The following CHRM5 variants were observed in gnomAD, a reference collection of about 807,000 sequenced individuals.
CHRM5 encodes muscarinic acetylcholine receptor M5.
A neutral mutation model predicts 39.0 loss-of-function variants in CHRM5; 18 were observed. That is an observed-to-expected ratio of 0.46 (90% CI 0.32 to 0.68). The LOEUF is 0.68. Ranked by LOEUF, CHRM5 falls within the 30% of genes least tolerant of loss-of-function variation. The pLI is 0.04. For missense variants in CHRM5, 515 were observed against 651.1 expected (o/e 0.79, Z 2.28); for synonymous variants, 241 against 246.3 (o/e 0.98, Z 0.20).
chr15:33,984,788 G>C (rs8038713), intron 1 of CHRM5, among the ~76,000 whole-genome samples: 1 of 151,844 alleles, frequency 6.6e-6, no homozygotes, highest in African/African-American at 2.4e-5. Flanking sequence ...TGAGACAAAC[G>C]TTAGTAGCAA....
chr15:34,017,378 C>T (rs553829401), intron 1 of CHRM5, among the ~76,000 whole-genome samples: 73 of 151,912 alleles, frequency 4.8e-4, no homozygotes, highest in Non-Finnish European at 8.4e-4. Context: ...GAGAAAATAT[C>T]AATCACCTAA....
At position 34,038,781 on chromosome 15, in the gene CHRM5, G is replaced by A. The variant is rs1367441225; in HGVS notation, c.-407-7759G>A. On this transcript the variant is annotated intron_variant, in intron 1 of 2. Coordinates refer to ENST00000383263, the MANE Select transcript of CHRM5 (RefSeq NM_012125.4). ...GCCCCACCAGCCGTCGCCTCTTACCGGCGCGCTGGCCCCTGCGCCCCAGCC... is the reference window on the plus strand; with the variant it reads ...GCCCCACCAGCCGTCGCCTCTTACCAGCGCGCTGGCCCCTGCGCCCCAGCC... 1.5e-5 allele frequency: 18 copies of A among 1,176,118 alleles called. No homozygotes were observed. The highest frequency in any genetic ancestry group is 4.5e-5 in the Admixed American group (1 of 22,200). 72.9% of individuals were successfully genotyped at this position (1,176,118 alleles called of 1,614,324 possible).
intron 1 of CHRM5, among the ~76,000 whole-genome samples, chr15:34,031,567 T>C (rs891638104): frequency 3.9e-5 from 6 of 152,228 alleles, no homozygotes; most frequent in Admixed American, 1.3e-4. Context: ...GTATCAGTCC[T>C]TAATGGCAAG....
intron 1 of CHRM5, among the ~76,000 whole-genome samples, chr15:33,983,183 C>T (rs528915218): frequency 3.1e-5 from 3 of 96,884 alleles, no homozygotes; most frequent in Admixed American, 1.1e-4. Flanking sequence ...TATATACACA[C>T]GTGTGTGTAT....
chr15:34,049,944 G>A (rs1461375088), intron 2 of CHRM5, among the ~76,000 whole-genome samples: 1 of 149,426 alleles, frequency 6.7e-6, no homozygotes, highest in Non-Finnish European at 1.5e-5. Context: ...CTGGAGTGCA[G>A]TGGCACAATC....
intron 1 of CHRM5, among the ~76,000 whole-genome samples, chr15:33,979,370 A>G (rs1269040462): frequency 3.3e-5 from 5 of 152,128 alleles, no homozygotes; most frequent in East Asian, 1.9e-4. Flanking sequence ...TTAGCCGGGC[A>G]TGCTAGGGTG....
intron 1 of CHRM5, among the ~76,000 whole-genome samples, chr15:34,044,697 A>G (rs759307938): frequency 3.6e-4 from 54 of 151,904 alleles, no homozygotes; most frequent in Non-Finnish European, 7.2e-4. Context: ...GTATGCGTTA[A>G]ATGGGTCCAG....
At chr15:33,992,438 A>G (rs1388523703) in intron 1 of CHRM5, among the ~76,000 whole-genome samples, 1 of 152,176 alleles carries the variant, frequency 6.6e-6, no homozygotes, top group Non-Finnish European at 1.5e-5. Context: ...TTCAATATTC[A>G]GCTACAAGGA....
At chr15:33,981,057 AACAT>A (rs1896118422) in intron 1 of CHRM5, among the ~76,000 whole-genome samples, 1 of 148,482 alleles carries the variant, frequency 6.7e-6, no homozygotes. Context: ...TTTTTATATA[AACAT>A]ACAATCACAA....
chr15:34,019,911 T>C (rs1438735965), intron 1 of CHRM5, among the ~76,000 whole-genome samples: 1 of 152,192 alleles, frequency 6.6e-6, no homozygotes, highest in Non-Finnish European at 1.5e-5. Context: ...CTTAGAAAAA[T>C]AGAATTGCAA....
chr15:33,978,554 T>C (rs1266740347), intron 1 of CHRM5, among the ~76,000 whole-genome samples: 1 of 151,944 alleles, frequency 6.6e-6, no homozygotes, highest in Admixed American at 6.6e-5. Flanking sequence ...TGCCAGCTAC[T>C]TGGGAGGCTA....
At chr15:34,037,775 G>T (rs1200740046) in intron 1 of CHRM5, among the ~76,000 whole-genome samples, 5 of 151,784 alleles carry the variant, frequency 3.3e-5, no homozygotes, top group Non-Finnish European at 5.9e-5. Context: ...TTTTTTTCCA[G>T]CTCTGTATTG....
intron 1 of CHRM5, among the ~76,000 whole-genome samples, chr15:34,006,267 C>T (rs1441208168): frequency 7.3e-5 from 11 of 151,292 alleles, no homozygotes; most frequent in Non-Finnish European, 1.5e-4. Context: ...GTCAAGATCA[C>T]GCCATTGCAA....
rs1165544868 is a variant in CHRM5 at position 34,062,886 on chromosome 15, G to A, written c.169G>A (p.Val57Ile). 6.2e-7 allele frequency: 1 copy of A among 1,614,192 alleles called. No homozygotes were observed. ...TGTCTTGGTCATGATCTCCTTCAAA[G>A]TCAACAGCCAGCTCAAGACAGTTAA... is the stretch of plus-strand genomic sequence containing the variant. Reference protein sequence around the residue: ...GNVLVMISFKVNSQLKTVNNY... With the variant: ...GNVLVMISFKINSQLKTVNNY... The change falls in exon 3 of 3, where the codon GTC becomes ATC. Residue 57 changes from valine (V) to isoleucine (I), a missense_variant. Physicochemically the swap from Val to Ile is conservative, Grantham distance 29. Transcript: ENST00000383263.
chr15:34,059,720 T>TTGCCTAGCTA lies in CHRM5; in HGVS notation c.-75-2921_-75-2912dup, dbSNP rs547384338. Among the ~76,000 whole-genome samples the TTGCCTAGCTA allele has an allele frequency of 1.2e-3, 187 of 152,334 alleles. 1 individual carries two copies. The highest frequency in any genetic ancestry group is 6.8e-3 in the Middle Eastern group (2 of 294). On this transcript the variant is annotated intron_variant, in intron 2 of 2. Coordinates refer to ENST00000383263, the MANE Select transcript of CHRM5 (RefSeq NM_012125.4). ...AGCATCCCCAGCCTCCACCCACCTT[T>TTGCCTAGCTA]TGCCTAGCTATTGGTGACTTCATTC...
intron 1 of CHRM5, among the ~76,000 whole-genome samples, chr15:34,010,286 CA>C (rs1897581291): frequency 6.6e-6 from 1 of 152,222 alleles, no homozygotes; most frequent in East Asian, 1.9e-4. Context: ...TATATTTGGA[CA>C]ACCTTATTCA....
intron 1 of CHRM5, among the ~76,000 whole-genome samples, chr15:33,978,790 G>T (rs1896006690): frequency 6.6e-6 from 1 of 152,104 alleles, no homozygotes; most frequent in South Asian, 2.1e-4. Flanking sequence ...CTACACCCAA[G>T]AAATATTAGA....
intron 1 of CHRM5, among the ~76,000 whole-genome samples, chr15:34,003,822 T>G (rs1476864095): frequency 2.0e-5 from 3 of 152,246 alleles, no homozygotes; most frequent in South Asian, 4.1e-4. Context: ...TACATTTGTT[T>G]TAGTACTTCT....
intron 1 of CHRM5, among the ~76,000 whole-genome samples, chr15:33,988,812 T>C (rs1459376684): frequency 1.3e-5 from 2 of 152,246 alleles, no homozygotes. Flanking sequence ...GGACCATTGT[T>C]GAACCCATTT....
Sources: gnomAD v4.1 joint callset for allele counts (sites outside exome capture counted in the v4.1 genomes callset) on GRCh38, gnomAD v4.1.1 for gene constraint, MANE v1.5 for transcripts, NCBI Gene and HGNC (gene_info 2026-07-23, HGNC 2026-07-21) for gene names.